The following CHD8 variants were observed in gnomAD, a reference collection of about 807,000 sequenced individuals.
CHD8 encodes chromodomain helicase DNA binding protein 8.
In CHD8, 31 loss-of-function variants were observed where a neutral mutation model predicts 279.2. That is an observed-to-expected ratio of 0.11 (90% CI 0.08 to 0.15). The LOEUF (loss-of-function observed/expected upper bound fraction) is 0.15, where lower values mean the gene tolerates loss of function less well. CHD8 is among the 10% of genes least tolerant of loss of function. The pLI, the probability that CHD8 is intolerant of heterozygous loss-of-function variation, is 1.00. For missense variants in CHD8, 2,146 were observed against 3,230.5 expected (o/e 0.66, Z 8.14); for synonymous variants, 1,081 against 1,139.6 (o/e 0.95, Z 1.04).
At chr14:21,401,619 C>G (rs1474853292) in intron 20 of CHD8, 106 bp from the exon 21 acceptor site, 1 of 719,732 alleles carries the variant, frequency 1.4e-6, no homozygotes, top group Non-Finnish European at 2.2e-6. Flanking sequence ...CAGTCTTGCT[C>G]TGTTGCCCAG....
At position 21,418,386 on chromosome 14, in the gene CHD8, G is replaced by A. The variant is rs181520389; in HGVS notation, c.1717-2479C>T. 6.4e-4 allele frequency among the ~76,000 whole-genome samples: 97 copies of A among 152,204 alleles called. 1 individual carries two copies. The highest frequency in any genetic ancestry group is 2.2e-3 in the African/African-American group (91 of 41,514). On this transcript the variant is annotated intron_variant, in intron 5 of 37. Transcript: ENST00000646647. The stretch of plus-strand genomic sequence containing the variant: ...TACAAAAAAATGAGATGGGCATGGT[G>A]GCGTGCACCTGTAATCCTAGCTACT...
chr14:21,408,874 G>A lies in CHD8; in HGVS notation c.2365-49C>T. On this transcript the variant is annotated intron_variant, in intron 11 of 37. Coordinates refer to ENST00000646647, the MANE Select transcript of CHD8 (RefSeq NM_001170629.2). This position sits in a 1 kb window ranked among gnomAD's most constrained non-coding sequence, Gnocchi z 4.3. ...AATGGAGTGGAGACATTATCAAAAGGTAAGACTTACTAGGTAAGTTCTAAT... is the reference window on the plus strand; with the variant it reads ...AATGGAGTGGAGACATTATCAAAAGATAAGACTTACTAGGTAAGTTCTAAT... The A allele has an allele frequency of 1.3e-6, 2 of 1,570,154 alleles. No homozygotes were observed. The highest frequency in any genetic ancestry group is 1.2e-5 in the South Asian group (1 of 85,120).
At chr14:21,441,688 A>T (rs945532157) in intron 1 of CHD8, among the ~76,000 whole-genome samples, 3 of 152,046 alleles carry the variant, frequency 2.0e-5, no homozygotes, top group African/African-American at 4.8e-5. Flanking sequence ...GGAGATGGAG[A>T]CCATCCTGGC....
chr14:21,452,608 C>T (rs560828550), intron 1 of CHD8, among the ~76,000 whole-genome samples: 5 of 151,974 alleles, frequency 3.3e-5, no homozygotes, highest in Middle Eastern at 3.4e-3. Context: ...CGCGCCACTG[C>T]GCTCCAGCCT....
rs1889557264 is a variant in CHD8 at position 21,431,359 on chromosome 14, A to G, written c.285T>C (p.Tyr95=). 2 of 1,537,502 alleles carry G rather than the reference A, an allele frequency of 1.3e-6. No individual in the cohort carries two copies. The highest frequency in any genetic ancestry group is 1.7e-6 in the Non-Finnish European group (2 of 1,147,118). ...PAPESITLHD[Y]TTQPASQEQP... Reference sequence around the variant, plus strand: ...GCTCCTGGCTGGCAGGCTGAGTGGTATAATCATGCAAGGTTATGGATTCTG... The same window carrying G: ...GCTCCTGGCTGGCAGGCTGAGTGGTGTAATCATGCAAGGTTATGGATTCTG... The change falls in exon 2 of 38, where the codon TAT becomes TAC. Residue 95 remains tyrosine, a synonymous_variant. Transcript: ENST00000646647.
At position 21,420,942 on chromosome 14, in the gene CHD8, A is replaced by G. The variant is rs1022580886; in HGVS notation, c.1717-5035T>C. On this transcript the variant is annotated intron_variant, in intron 5 of 37. Coordinates refer to ENST00000646647, the MANE Select transcript of CHD8 (RefSeq NM_001170629.2). ...CATGCCCAGCTAATTTTGTATTTTTAGTAGAGATAGGGTTTCTCCACGTTG... is the reference window on the plus strand; with the variant it reads ...CATGCCCAGCTAATTTTGTATTTTTGGTAGAGATAGGGTTTCTCCACGTTG... Among the ~76,000 whole-genome samples the G allele has an allele frequency of 2.6e-5, 4 of 152,070 alleles. 1 individual carries two copies. Among genetic ancestry groups the G allele is most frequent in the African/African-American group, 9.7e-5 (4 of 41,402 alleles).
chr14:21,436,878 TGGGGGGGACCC>T, intron 1 of CHD8: 8 of 743,124 alleles, frequency 1.1e-5, no homozygotes, highest in Non-Finnish European at 1.3e-5. Context: ...GGGGTGGGGG[TGGGGGGGACCC>T]GGGTACATTA....
Position 21,395,055 on chromosome 14 carries a change from A to C in CHD8, c.5247T>G (p.Leu1749=). 3.7e-6 allele frequency: 6 copies of C among 1,614,032 alleles called. No homozygotes were observed. Among genetic ancestry groups the C allele is most frequent in the Non-Finnish European group, 5.1e-6 (6 of 1,179,902 alleles). ...GCTGATACGCTGTTACTAGACGCCG[A>C]AGCCTAGCTGTTAGGGCAGAGCCCG... ...WPPGSALTAR[L]RRLVTAYQRS... is the part of the protein sequence containing the mutation. The change falls in exon 30 of 38, where the codon CTT becomes CTG. Residue 1749 remains leucine, a synonymous_variant. Transcript: ENST00000646647.
chr14:21,448,704 G>C (rs1386565215), intron 1 of CHD8, among the ~76,000 whole-genome samples: 2 of 151,718 alleles, frequency 1.3e-5, no homozygotes, highest in Non-Finnish European at 2.9e-5. Context: ...CTACAGGCGC[G>C]CGCCACTACA....
chr14:21,444,210 C>T (rs1048237147), intron 1 of CHD8, among the ~76,000 whole-genome samples: 16 of 152,272 alleles, frequency 1.1e-4, no homozygotes, highest in Non-Finnish European at 2.4e-4. Flanking sequence ...TGGCACAGTG[C>T]TTGACACATA....
intron 20 of CHD8, 37 bp from the exon 21 acceptor site, chr14:21,401,550 T>C (rs751921133): frequency 7.6e-7 from 1 of 1,313,344 alleles, no homozygotes; most frequent in Non-Finnish European, 1.0e-6. Flanking sequence ...AGCTGACTTT[T>C]TTTTTTAAGT....
chr14:21,450,275 C>T (rs943942620), intron 1 of CHD8, among the ~76,000 whole-genome samples: 1 of 152,098 alleles, frequency 6.6e-6, no homozygotes, highest in African/African-American at 2.4e-5. Context: ...AATAAGCAGC[C>T]AAACTATAGA....
At chr14:21,396,242 C>T (rs116117478) in intron 27 of CHD8, among the ~76,000 whole-genome samples, 3,768 of 152,178 alleles carry the variant, frequency 0.025, 52 homozygotes, top group African/African-American at 0.033. Flanking sequence ...ATAATTCACA[C>T]GCCTTGGCAT....
chr14:21,430,574 C>G (rs1171123524), intron 2 of CHD8: 2 of 492,508 alleles, frequency 4.1e-6, no homozygotes, highest in African/African-American at 1.9e-5. Flanking sequence ...TTATTTAGCA[C>G]CAGCTAGGTA....
In CHD8 at chr14:21,386,001, C is replaced by T. The variant is rs369848923; in HGVS notation, c.7358G>A (p.Gly2453Asp). 4 of 1,588,646 alleles carry T rather than the reference C, an allele frequency of 2.5e-6. No individual in the cohort carries two copies. Among genetic ancestry groups the T allele is most frequent in the Non-Finnish European group, 3.4e-6 (4 of 1,167,000 alleles). The change falls in exon 38 of 38, where the codon GGC becomes GAC. Residue 2453 changes from glycine to aspartate, a missense_variant. Coordinates refer to ENST00000646647, the MANE Select transcript of CHD8 (RefSeq NM_001170629.2). ...LHNTFQHSSSGLQSVSSLGHS... is the reference protein window; with the variant it reads ...LHNTFQHSSSDLQSVSSLGHS... The stretch of plus-strand genomic sequence containing the variant: ...ACCCAAAGATGACACAGACTGTAGG[C>T]CACTACTGCTGTGTTGGAACGTGTT...
chr14:21,399,525 G>T, intron 26 of CHD8, 77 bp downstream of exon 26: 1 of 987,734 alleles, frequency 1.0e-6, no homozygotes, highest in Non-Finnish European at 1.6e-6. Flanking sequence ...TTATTTCTCA[G>T]GAGCATTTTG....
intron 26 of CHD8, chr14:21,398,825 T>C (rs1334362503): frequency 9.3e-6 from 2 of 215,506 alleles, no homozygotes; most frequent in South Asian, 6.6e-5. Flanking sequence ...CTCATACCTA[T>C]ATCAGAGAGA....
At chr14:21,453,107 A>G (rs138624606) in intron 1 of CHD8, among the ~76,000 whole-genome samples, 29 of 151,934 alleles carry the variant, frequency 1.9e-4, no homozygotes, top group African/African-American at 7.0e-4. Context: ...CGAGGAGTTC[A>G]AGACCAGCTG....
rs1887962530 is a variant in CHD8, at chr14:21,400,069, C to G, written c.4729G>C (p.Val1577Leu). The change falls in exon 25 of 38, where the codon GTA becomes CTA. Residue 1577 changes from valine (V) to leucine (L), a missense_variant and splice_region_variant. Around this residue, in one of 26 missense-constraint regions of CHD8, gnomAD observed 4 missense variants for 33.0 expected, o/e 0.12. Coordinates refer to ENST00000646647, the MANE Select transcript of CHD8 (RefSeq NM_001170629.2). This position sits in a 1 kb window ranked among gnomAD's most constrained non-coding sequence, Gnocchi z 4.2. ...TATAGCATTCGTACCCGCAACAGTA[C>G]CCTAGAAAGGACAGAGGAAGAGCTG... Reference protein sequence around the residue: ...KKHLKHQCNKVLLRVRMLYYL... With the variant: ...KKHLKHQCNKLLLRVRMLYYL... 1 of 1,613,598 alleles carries G rather than the reference C, an allele frequency of 6.2e-7. No individual in the cohort carries two copies. Among genetic ancestry groups the G allele is most frequent in the Non-Finnish European group, 8.5e-7 (1 of 1,179,796 alleles).
Sources: allele counts gnomAD v4.1 joint callset (sites outside exome capture counted in the v4.1 genomes callset), GRCh38; gene constraint gnomAD v4.1.1; regional missense constraint gnomAD v4.1.1; non-coding constraint Gnocchi (gnomAD v3.1); transcripts MANE v1.5; gene names NCBI Gene and HGNC (gene_info 2026-07-23, HGNC 2026-07-21).